The following STK24 variants were observed in gnomAD, a reference collection of about 807,000 sequenced individuals.
STK24 encodes serine/threonine-protein kinase 24.
Under a neutral mutation model 55.6 loss-of-function variants are expected in STK24, and 21 were observed. The ratio of observed to expected loss-of-function variants is 0.38; its 90% confidence interval spans 0.27 to 0.54. The LOEUF (loss-of-function observed/expected upper bound fraction) is 0.54, where lower values mean the gene tolerates loss of function less well. Ranked by LOEUF, STK24 falls within the 20% of genes least tolerant of loss-of-function variation. STK24 has a pLI of 0.79. For synonymous variants in STK24, 200 were observed against 215.2 expected (o/e 0.93, Z 0.62); for missense variants, 383 against 538.4 (o/e 0.71, Z 2.86).
At chr13:98,478,632 A>G (rs570378298) in intron 3 of STK24, among the ~76,000 whole-genome samples, 1 of 152,224 alleles carries the variant, frequency 6.6e-6, no homozygotes, top group South Asian at 2.1e-4. Context: ...TAGAGCTGCT[A>G]TGATGGCAAC....
chr13:98,451,845 A>G lies in STK24; in HGVS notation c.*1328T>C, dbSNP rs1444880443. The G allele has an allele frequency of 6.6e-6, 1 of 152,294 alleles. No homozygotes were observed. Among genetic ancestry groups the G allele is most frequent in the Admixed American group, 6.5e-5 (1 of 15,278 alleles). The allele number at this position is 152,294 out of a possible 1,614,324, so 9.4% of individuals were successfully genotyped here. The stretch of plus-strand genomic sequence containing the variant: ...AAGGTCCCACAGCAAACCAAGAAAA[A>G]CAGACACACTGGCTGCCTGCCTAGC... On this transcript the variant is annotated 3_prime_UTR_variant, in exon 11 of 11. Coordinates refer to ENST00000539966, the MANE Select transcript of STK24 (RefSeq NM_001032296.4).
In STK24 at chr13:98,450,330, G is replaced by GA. The variant is rs1893126840; in HGVS notation, c.*2842dup. Reference sequence around the variant, plus strand: ...ATACACAAGCTGTTTTTAAAGGAGGGAAATATAAAAAATGTTTATAAACTG... The same window carrying GA: ...ATACACAAGCTGTTTTTAAAGGAGGGAAAATATAAAAAATGTTTATAAACTG... On this transcript the variant is annotated 3_prime_UTR_variant, in exon 11 of 11. Coordinates refer to ENST00000539966, the MANE Select transcript of STK24 (RefSeq NM_001032296.4). 1 of 152,188 alleles carries GA rather than the reference G, an allele frequency of 6.6e-6. No individual in the cohort carries two copies. The highest frequency in any genetic ancestry group is 2.1e-4 in the South Asian group (1 of 4,830). 9.4% of individuals were successfully genotyped at this position (152,188 alleles called of 1,614,324 possible). A position where few individuals can be genotyped will look rare whatever the true frequency, so the allele number is the denominator to read the frequency against.
At chr13:98,475,454 G>A in intron 3 of STK24, 96 bp from the exon 4 acceptor site, 1 of 818,882 alleles carries the variant, frequency 1.2e-6, no homozygotes, top group East Asian at 2.7e-5. Context: ...ATGGACAAGG[G>A]TAATTAAAAC....
rs1411280925 is a variant in STK24 at position 98,475,254 on chromosome 13, A to G, written c.435T>C (p.Ile145=). 1.8e-5 allele frequency: 29 copies of G among 1,607,470 alleles called. No individual in the cohort carries two copies. The highest frequency in any genetic ancestry group is 2.7e-5 in the African/African-American group (2 of 74,642). Residue 145 remains isoleucine (I), a synonymous_variant, in exon 4 of 11, where the codon ATT becomes ATC. Transcript: ENST00000539966. ...TGAAAACGGATGTCCTCTTACCTTT[A>G]ATGTCTCTGTGGATTTTCTTCTCCG... The part of the protein sequence containing the change: ...LHSEKKIHRD[I]KAANVLLSEH...
intron 2 of STK24, among the ~76,000 whole-genome samples, chr13:98,509,371 A>G (rs1190264310): frequency 6.6e-6 from 1 of 152,184 alleles, no homozygotes; most frequent in African/African-American, 2.4e-5. Flanking sequence ...TGCATGTGAA[A>G]ACCATGAGAT....
intron 2 of STK24, among the ~76,000 whole-genome samples, chr13:98,494,036 G>A (rs545782776): frequency 2.5e-4 from 38 of 150,534 alleles, no homozygotes; most frequent in African/African-American, 9.2e-4. Context: ...TACAGACGGG[G>A]CTTCACCGTG....
intron 9 of STK24, among the ~76,000 whole-genome samples, chr13:98,457,911 G>A (rs1402719279): frequency 5.3e-5 from 8 of 152,188 alleles, no homozygotes; most frequent in South Asian, 2.1e-4. Flanking sequence ...AAGTCTCACC[G>A]TGATGGACTG....
At chr13:98,559,405 G>T (rs1397794058) in intron 1 of STK24, among the ~76,000 whole-genome samples, 1 of 152,166 alleles carries the variant, frequency 6.6e-6, no homozygotes, top group Admixed American at 6.5e-5. Flanking sequence ...TCTCTTGCCT[G>T]CCGACATGTG....
intron 5 of STK24, among the ~76,000 whole-genome samples, chr13:98,473,236 AAGAG>A (rs1284558301): frequency 2.7e-4 from 1 of 3,658 alleles, no homozygotes; most frequent in Admixed American, 4.4e-3. Flanking sequence ...ACAATAATGA[AAGAG>A]AGAGAAAGAG....
chr13:98,488,806 A>G (rs1049613292), intron 2 of STK24, among the ~76,000 whole-genome samples: 2 of 150,400 alleles, frequency 1.3e-5, no homozygotes, highest in African/African-American at 5.0e-5. Flanking sequence ...CACCAAGGTT[A>G]AAAAAAAAGA....
At position 98,450,393 on chromosome 13, in the gene STK24, T is replaced by C. The variant is rs1203580112; in HGVS notation, c.*2780A>G. 1.3e-5 allele frequency: 2 copies of C among 152,180 alleles called. No individual in the cohort carries two copies. Among genetic ancestry groups the C allele is most frequent in the Non-Finnish European group, 2.9e-5 (2 of 68,030 alleles). 9.4% of individuals were successfully genotyped at this position (152,180 alleles called of 1,614,324 possible). ...CAGAGGAAAGGTACAAAATGCTACA[T>C]ACAGAACCAAACCAGCCACTTCACA... On this transcript the variant is annotated 3_prime_UTR_variant, in exon 11 of 11. Coordinates refer to ENST00000539966, the MANE Select transcript of STK24 (RefSeq NM_001032296.4).
chr13:98,567,177 T>C (rs1897601754), intron 1 of STK24, among the ~76,000 whole-genome samples: 1 of 152,238 alleles, frequency 6.6e-6, no homozygotes, highest in Non-Finnish European at 1.5e-5. Flanking sequence ...ATGCTATGGA[T>C]TTATGGCCAG....
intron 1 of STK24, among the ~76,000 whole-genome samples, chr13:98,537,770 G>A (rs987278505): frequency 6.6e-6 from 1 of 152,188 alleles, no homozygotes; most frequent in Non-Finnish European, 1.5e-5. Context: ...GAGCCAGGCT[G>A]CCTGAATCGA....
At chr13:98,559,817 A>G (rs1425285513) in intron 1 of STK24, among the ~76,000 whole-genome samples, 5 of 152,020 alleles carry the variant, frequency 3.3e-5, no homozygotes, top group East Asian at 3.9e-4. Flanking sequence ...ATTCAGGAGC[A>G]CTAACTTCTC....
chr13:98,486,731 G>A (rs1218681833), intron 2 of STK24, among the ~76,000 whole-genome samples: 3 of 152,298 alleles, frequency 2.0e-5, no homozygotes, highest in South Asian at 2.1e-4. Context: ...CACCCACGAT[G>A]GACGCTGACA....
intron 2 of STK24, among the ~76,000 whole-genome samples, chr13:98,497,945 C>T (rs1156774395): frequency 6.6e-6 from 1 of 152,230 alleles, no homozygotes; most frequent in Non-Finnish European, 1.5e-5. Flanking sequence ...GAGCCACCAA[C>T]TCACTTCAGG....
chr13:98,463,911 C>T, intron 6 of STK24, 75 bp from the exon 7 acceptor site: 11 of 1,523,042 alleles, frequency 7.2e-6, no homozygotes, highest in Non-Finnish European at 9.8e-6. Flanking sequence ...ACTTCTGCCT[C>T]AAAATGTCAA....
intron 10 of STK24, 124 bp from the exon 11 acceptor site, chr13:98,453,333 C>A: frequency 1.1e-6 from 1 of 944,666 alleles, no homozygotes; most frequent in Non-Finnish European, 1.6e-6. Context: ...ATAAGTGGAG[C>A]AAATATCAAT....
chr13:98,536,655 C>T (rs528950896), intron 1 of STK24, among the ~76,000 whole-genome samples: 2 of 152,240 alleles, frequency 1.3e-5, no homozygotes, highest in East Asian at 3.9e-4. Context: ...TGAGCCACCA[C>T]ACCTGCCCTT....
Sources: gnomAD v4.1 joint callset for allele counts (sites outside exome capture counted in the v4.1 genomes callset) on GRCh38, gnomAD v4.1.1 for gene constraint, MANE v1.5 for transcripts, NCBI Gene and HGNC (gene_info 2026-07-23, HGNC 2026-07-21) for gene names.